Variants in RNF44 observed in about 807,000 individuals in gnomAD.
The protein encoded by RNF44 is ring finger protein 44.
In RNF44, 25 loss-of-function variants were observed where a neutral mutation model predicts 53.6. The ratio of observed to expected loss-of-function variants is 0.47; its 90% CI spans 0.34 to 0.65. The LOEUF (loss-of-function observed/expected upper bound fraction) is 0.65. Ranked by LOEUF, RNF44 falls within the 30% of genes least tolerant of loss-of-function variation. The pLI, the probability that RNF44 is intolerant of heterozygous loss-of-function variation, is 0.01. For synonymous variants in RNF44, 282 were observed against 252.2 expected, an observed-to-expected ratio of 1.12 and a Z score of -1.12; for missense variants, 581 against 595.5, an observed-to-expected ratio of 0.98 and a Z score of 0.25.
chr5:176,536,346 G>A (rs1441824931), intron 1 of RNF44: 2 of 152,302 alleles, frequency 1.3e-5, no homozygotes, highest in South Asian at 2.1e-4. Context: ...AATAAAACCA[G>A]AAGAGTCCAG....
In RNF44 at chr5:176,530,371, A is replaced by G. The variant is rs1429558295; in HGVS notation, c.802-165T>C. Among the ~76,000 whole-genome samples the G allele has an allele frequency of 9.1e-3, 638 of 70,258 alleles. 62 individuals carry two copies. Among genetic ancestry groups the G allele is most frequent in the Middle Eastern group, 0.027 (3 of 110 alleles). The allele number at this position is 70,258 out of a possible 152,430, so 46.1% of individuals were successfully genotyped here. On this transcript the variant is annotated intron_variant, in intron 6 of 10. Transcript: ENST00000274811. ...CCCAGCCGCCCCGGAGCCCACGTGC[A>G]AGTCAGCCCGGTGGGCCTGCCTCCC...
At chr5:176,532,278 C>T in intron 2 of RNF44, 85 bp from the exon 3 acceptor site, 1 of 1,516,892 alleles carries the variant, frequency 6.6e-7, no homozygotes, top group South Asian at 1.2e-5. Flanking sequence ...TGACTCCCCC[C>T]ATGGGGAGGG....
chr5:176,538,407 C>A (rs1003502804), upstream of RNF44, among the ~76,000 whole-genome samples: 1 of 152,152 alleles, frequency 6.6e-6, no homozygotes, highest in African/African-American at 2.4e-5. Context: ...CAAAGCCGAG[C>A]CTCGTTCTCC....
At chr5:176,536,701 G>A (rs1295117480) in intron 1 of RNF44, among the ~76,000 whole-genome samples, 1 of 152,068 alleles carries the variant, frequency 6.6e-6, no homozygotes, top group African/African-American at 2.4e-5. Flanking sequence ...GCAGGGGGAG[G>A]GGGGCGGCTC....
chr5:176,543,190 G>A, the RNF44 span, among the ~76,000 whole-genome samples: 1 of 148,912 alleles, frequency 6.7e-6, no homozygotes, highest in South Asian at 2.1e-4. This position sits in a 1 kb window ranked among gnomAD's most constrained non-coding sequence, Gnocchi z 4.0. Flanking sequence ...GCCCGCGGCC[G>A]CCCCCTACCG....
intron 7 of RNF44, 38 bp downstream of exon 7, chr5:176,530,044 G>C (rs1255913624): frequency 1.4e-6 from 2 of 1,401,838 alleles, no homozygotes; most frequent in Non-Finnish European, 9.3e-7. Flanking sequence ...CAGGAGAACA[G>C]GGCATCAGGG....
At chr5:176,534,508 G>A (rs1421875895) in intron 1 of RNF44, among the ~76,000 whole-genome samples, 2 of 152,214 alleles carry the variant, frequency 1.3e-5, no homozygotes, top group Non-Finnish European at 2.9e-5. Context: ...GGAGACTCAG[G>A]AAATCCCCAA....
In RNF44 at chr5:176,528,713, G is replaced by T; in HGVS notation, c.*315C>A. ...CTCCACCGGCCCCACTGAGGGAGCG[G>T]ACCCCTGGCACTCAGTGCCAGCAGG... On this transcript the variant is annotated 3_prime_UTR_variant, in exon 11 of 11. Transcript: ENST00000274811. The T allele has an allele frequency of 2.3e-6, 1 of 443,972 alleles. No homozygotes were observed. Among genetic ancestry groups the T allele is most frequent in the Admixed American group, 4.0e-5 (1 of 24,944 alleles). 27.5% of individuals were successfully genotyped at this position (443,972 alleles called of 1,614,324 possible). A position where few individuals can be genotyped will look rare whatever the true frequency, so the allele number is the denominator to read the frequency against.
intron 5 of RNF44, 30 bp downstream of exon 5, chr5:176,530,818 C>T (rs377736129): frequency 6.9e-7 from 1 of 1,458,574 alleles, no homozygotes; most frequent in Admixed American, 3.2e-5. Context: ...CACGCCATCT[C>T]CCTCCAGCAT....
At chr5:176,529,141 C>T (rs1195396230) in intron 10 of RNF44, 51 bp from the exon 11 acceptor site, 2 of 1,604,098 alleles carry the variant, frequency 1.2e-6, no homozygotes, top group Non-Finnish European at 1.7e-6. Context: ...CAACCCACCA[C>T]ATCTGTGCAG....
In RNF44 at chr5:176,527,982, G is replaced by A. The variant is rs960388122; in HGVS notation, c.*1046C>T. On this transcript the variant is annotated 3_prime_UTR_variant, in exon 11 of 11. Coordinates refer to ENST00000274811, the MANE Select transcript of RNF44 (RefSeq NM_014901.5). ...AGCGTCGGGTCCCGGTAGGCTCTAG[G>A]GACGTGTGCAGTACAGTGCATGGCA... The A allele has an allele frequency of 6.6e-6, 1 of 152,500 alleles. No homozygotes were observed. The highest frequency in any genetic ancestry group is 1.5e-5 in the Non-Finnish European group (1 of 68,084). The allele number at this position is 152,500 out of a possible 1,614,324, so 9.4% of individuals were successfully genotyped here. A position where few individuals can be genotyped will look rare whatever the true frequency, so the allele number is the denominator to read the frequency against.
the RNF44 span, among the ~76,000 whole-genome samples, chr5:176,543,355 C>T: frequency 6.7e-6 from 1 of 148,816 alleles, no homozygotes; most frequent in Non-Finnish European, 1.5e-5. This position sits in a 1 kb window ranked among gnomAD's most constrained non-coding sequence, Gnocchi z 4.0. Context: ...CCGCGCGCCG[C>T]CTGCCGCGGC....
At position 176,529,085 on chromosome 5, in the gene RNF44, G is replaced by A. The variant is rs1206188083; in HGVS notation, c.1242C>T (p.Asn414=). The change falls in exon 11 of 11, where the codon AAC becomes AAT. Residue 414 remains asparagine, a synonymous_variant. Coordinates refer to ENST00000274811, the MANE Select transcript of RNF44 (RefSeq NM_014901.5). ...CGGCCCGGCAGATGGGACACGTCCG[G>A]TTGGCCTGTGGGAACATGCACGTCA... The part of the protein sequence containing the change: ...TKCVDKWLKA[N]RTCPICRADA... The A allele has an allele frequency of 1.2e-6, 2 of 1,613,188 alleles. No individual in the cohort carries two copies. The highest frequency in any genetic ancestry group is 1.7e-4 in the Middle Eastern group (1 of 6,058).
upstream of RNF44, among the ~76,000 whole-genome samples, chr5:176,541,565 T>G (rs1176254778): frequency 6.6e-6 from 1 of 152,002 alleles, no homozygotes; most frequent in African/African-American, 2.4e-5. Flanking sequence ...ACAAAGCACT[T>G]GATGCCACAT....
chr5:176,542,968 G>A (rs1016266124), upstream of RNF44, among the ~76,000 whole-genome samples: 3 of 151,906 alleles, frequency 2.0e-5, no homozygotes, highest in Admixed American at 1.3e-4. Flanking sequence ...CCGCAGCTGG[G>A]ACTCGCCGGG....
At position 176,530,709 on chromosome 5, in the gene RNF44, C is replaced by T. The variant is rs758205098; in HGVS notation, c.674G>A (p.Arg225His). 1.5e-5 allele frequency: 23 copies of T among 1,548,968 alleles called. No individual in the cohort carries two copies. The highest frequency in any genetic ancestry group is 7.0e-5 in the African/African-American group (5 of 71,724). The change falls in exon 6 of 11, where the codon CGT becomes CAT. Residue 225 changes from arginine to histidine, a missense_variant. Coordinates refer to ENST00000274811, the MANE Select transcript of RNF44 (RefSeq NM_014901.5). ...GCTGCCCAGGGAGGGCTGGTCCCCACGCAGGTCCACGTCGTTGTCGAGCCG... is the reference window on the plus strand; with the variant it reads ...GCTGCCCAGGGAGGGCTGGTCCCCATGCAGGTCCACGTCGTTGTCGAGCCG... ...LQRLDNDVDL[R>H]GDQPSLGSFT...
At position 176,529,627 on chromosome 5, in the gene RNF44, G is replaced by C; in HGVS notation, c.1032C>G (p.Ala344=). 1 of 1,613,814 alleles carries C rather than the reference G, an allele frequency of 6.2e-7. No individual in the cohort carries two copies. Among genetic ancestry groups the C allele is most frequent in the East Asian group, 2.2e-5 (1 of 44,862 alleles). Residue 344 remains alanine (A), a synonymous_variant, in exon 9 of 11, where the codon GCC becomes GCG. Transcript: ENST00000274811. ...MENYEALLNL[A]ERLGDAKPRG... ...GGGGCTTGGCATCTCCCAGCCGCTC[G>C]GCCAGGTTCAGGAGGGCCTGCATGC...
the RNF44 span, among the ~76,000 whole-genome samples, chr5:176,543,164 G>A: frequency 1.0e-3 from 155 of 150,594 alleles, no homozygotes; most frequent in African/African-American, 3.4e-3. The surrounding 1 kb of genome is among the most constrained non-coding windows in gnomAD (Gnocchi z 4.0). Context: ...AAGACCCCGC[G>A]TGCGTTCCTC....
chr5:176,542,587 G>T (rs1196969792), upstream of RNF44: 1 of 152,146 alleles, frequency 6.6e-6, no homozygotes, highest in Non-Finnish European at 1.5e-5. Context: ...GAAGATCGAG[G>T]AAGACAAGTC....
Sources: gnomAD v4.1 joint callset for allele counts (sites outside exome capture counted in the v4.1 genomes callset) on GRCh38, gnomAD v4.1.1 for gene constraint, Gnocchi (gnomAD v3.1) non-coding constraint, MANE v1.5 for transcripts, NCBI Gene and HGNC (gene_info 2026-07-23, HGNC 2026-07-21) for gene names.